The following VPS13B variants were observed in gnomAD, a reference collection of about 807,000 sequenced individuals.
The protein encoded by VPS13B is intermembrane lipid transfer protein VPS13B.
A neutral mutation model predicts 426.4 loss-of-function variants in VPS13B; 285 were observed. That is an observed-to-expected ratio of 0.67 (90% CI 0.61 to 0.74). The LOEUF (loss-of-function observed/expected upper bound fraction) is 0.74. Ranked by LOEUF, VPS13B falls within the 30% of genes least tolerant of loss-of-function variation. The pLI, the probability that VPS13B is intolerant of heterozygous loss-of-function variation, is 0.00. For synonymous variants in VPS13B, 1,676 were observed against 1,676.4 expected (o/e 1.00, Z 0.01); for missense variants, 4,537 against 4,782.6 (o/e 0.95, Z 1.51).
At chr8:99,405,047 A>G (rs1815249312) in intron 21 of VPS13B, among the ~76,000 whole-genome samples, 1 of 152,148 alleles carries the variant, frequency 6.6e-6, no homozygotes, top group Admixed American at 6.5e-5. Flanking sequence ...TTGGATCTTA[A>G]TCATCTACAA....
At chr8:99,147,422 T>C (rs1167925135) in intron 13 of VPS13B, among the ~76,000 whole-genome samples, 1 of 152,054 alleles carries the variant, frequency 6.6e-6, no homozygotes, top group Non-Finnish European at 1.5e-5. Context: ...TTTTTAGGAG[T>C]TTTTAAAATT....
At chr8:99,064,406 A>G (rs995284865) in intron 3 of VPS13B, among the ~76,000 whole-genome samples, 32 of 152,260 alleles carry the variant, frequency 2.1e-4, no homozygotes, top group Admixed American at 2.0e-3. Flanking sequence ...TATAGAGAAG[A>G]CCTTAAATGA....
At chr8:99,274,038 T>G (rs1818756323) in intron 17 of VPS13B, among the ~76,000 whole-genome samples, 160 bp from the exon 18 acceptor site, 1 of 152,196 alleles carries the variant, frequency 6.6e-6, no homozygotes, top group Non-Finnish European at 1.5e-5. Context: ...ATTTGCATCC[T>G]TTCACCTCTG....
intron 58 of VPS13B, among the ~76,000 whole-genome samples, chr8:99,865,426 C>A (rs1344564741): frequency 6.6e-6 from 1 of 152,214 alleles, no homozygotes; most frequent in African/African-American, 2.4e-5. Flanking sequence ...CCCCAGAGAC[C>A]ACCTCCTCTC....
At chr8:99,116,696 A>G (rs963168543) in intron 7 of VPS13B, among the ~76,000 whole-genome samples, 4 of 152,140 alleles carry the variant, frequency 2.6e-5, no homozygotes, top group African/African-American at 9.7e-5. Context: ...AGCATCACAA[A>G]GTGCTGGGAT....
rs1279523650 is a variant in VPS13B, at chr8:99,467,609, T to A, written c.3641T>A (p.Leu1214Gln). ...VVCLHVDLES[L>Q]EIKCSNPQVQ... ...TGTCTCCATGTTGACCTAGAGTCAC[T>A]AGAGATAAAATGCTCTAATCCCCAG... The change falls in exon 24 of 62, where the codon CTA (leucine) becomes CAA (glutamine). Residue 1214 changes from leucine (L) to glutamine (Q), a missense_variant. Leu to Gln is a moderately radical substitution (Grantham distance 113, BLOSUM62 -2). Transcript: ENST00000357162. The A allele has an allele frequency of 1.3e-5, 21 of 1,611,444 alleles. No individual in the cohort carries two copies. The highest frequency in any genetic ancestry group is 1.7e-5 in the Non-Finnish European group (20 of 1,179,768).
intron 17 of VPS13B, among the ~76,000 whole-genome samples, chr8:99,215,006 G>A (rs531870166): frequency 6.6e-6 from 1 of 152,056 alleles, no homozygotes; most frequent in South Asian, 2.1e-4. Context: ...ATCCTTTGGA[G>A]CCCACCTTAA....
rs117913509 is a variant in VPS13B at position 99,455,478 on chromosome 8, G to C, written c.3446-11936G>C. Among the ~76,000 whole-genome samples the C allele has an allele frequency of 2.2e-3, 327 of 152,044 alleles. 2 individuals are homozygous for C. Among genetic ancestry groups the C allele is most frequent in the Non-Finnish European group, 2.9e-3 (194 of 67,986 alleles). On this transcript the variant is annotated intron_variant, in intron 23 of 61. Transcript: ENST00000357162. ...GAGGAAGAGAGGGAGGGTTGGGGAG[G>C]TTTCACACACTTAAACAGCCAGCTC...
At chr8:99,541,360 G>T (rs947642008) in intron 30 of VPS13B, among the ~76,000 whole-genome samples, 3 of 151,774 alleles carry the variant, frequency 2.0e-5, no homozygotes, top group African/African-American at 7.3e-5. Context: ...TTAAGTTCTG[G>T]ATTACACGTG....
intron 3 of VPS13B, among the ~76,000 whole-genome samples, chr8:99,070,748 C>T (rs1167240904): frequency 2.0e-5 from 3 of 151,930 alleles, no homozygotes; most frequent in Non-Finnish European, 2.9e-5. Context: ...AGTATTATTT[C>T]GAGATCTTGT....
chr8:99,526,132 G>A (rs183984058), intron 30 of VPS13B, among the ~76,000 whole-genome samples: 101 of 152,002 alleles, frequency 6.6e-4, no homozygotes, highest in Middle Eastern at 3.4e-3. Context: ...TCACCAGCAG[G>A]GACTAGAGAT....
At chr8:99,070,125 G>A (rs937089102) in intron 3 of VPS13B, among the ~76,000 whole-genome samples, 5 of 152,044 alleles carry the variant, frequency 3.3e-5, no homozygotes, top group Non-Finnish European at 7.4e-5. Context: ...GGTTCCCTAG[G>A]CTTGTCTTGA....
chr8:99,802,369 G>A (rs902079083), intron 43 of VPS13B, among the ~76,000 whole-genome samples: 6 of 152,046 alleles, frequency 3.9e-5, no homozygotes, highest in African/African-American at 1.4e-4. Flanking sequence ...TTCATTAGGA[G>A]GTTGAACTTG....
chr8:99,825,220 C>T lies in VPS13B; in HGVS notation c.9330+1242C>T, dbSNP rs1053792554. 5.3e-5 allele frequency among the ~76,000 whole-genome samples: 8 copies of T among 152,350 alleles called. No individual in the cohort carries two copies. In the South Asian group the frequency reaches 1.5e-3, roughly 28 times the overall value. On this transcript the variant is annotated intron_variant, in intron 51 of 61. Coordinates refer to ENST00000357162, the MANE Select transcript of VPS13B (RefSeq NM_152564.5). ...GTGTAAAAGTGTTCCTATTTCTCCA[C>T]ATCCTCTCCAGCATCTGTTGTTTCC...
intron 33 of VPS13B, among the ~76,000 whole-genome samples, chr8:99,604,496 T>A (rs2667459): frequency 1.8e-5 from 2 of 112,932 alleles, no homozygotes; most frequent in African/African-American, 7.7e-5. Flanking sequence ...TTCCTTGGTG[T>A]TTTTTTTTTT....
chr8:99,862,035 T>G, intron 58 of VPS13B, 89 bp downstream of exon 58: 1 of 1,427,712 alleles, frequency 7.0e-7, no homozygotes, highest in East Asian at 2.5e-5. Flanking sequence ...GCCTTCTGCC[T>G]GGGAATGACC....
rs774869215 is a variant in VPS13B at position 99,431,464 on chromosome 8, A to T, written c.3083-73A>T. On this transcript the variant is annotated intron_variant, in intron 21 of 61. Coordinates refer to ENST00000357162, the MANE Select transcript of VPS13B (RefSeq NM_152564.5). Reference sequence around the variant, plus strand: ...TTAAGCAAGGAAAGAAACAATCTTGAAAATACGTTTGGTATGTTCTGTGAA... The same window carrying T: ...TTAAGCAAGGAAAGAAACAATCTTGTAAATACGTTTGGTATGTTCTGTGAA... 5.1e-6 allele frequency: 8 copies of T among 1,554,360 alleles called. No homozygotes were observed. The African/African-American group carries it at 8.2e-5, about 16-fold the overall frequency.
rs191915460 is a variant in VPS13B, at chr8:99,802,000, A to C, written c.7942-7375A>C. The stretch of plus-strand genomic sequence containing the variant: ...CACTATCTCTACAAAAGATACAAAA[A>C]TTAGTCGGGCATTATGGTGCATGCC... On this transcript the variant is annotated intron_variant, in intron 43 of 61. Transcript: ENST00000357162. Among the ~76,000 whole-genome samples, 35 of 152,204 alleles carry C rather than the reference A, an allele frequency of 2.3e-4. No homozygotes were observed. The East Asian group carries it at 6.8e-3, about 29-fold the overall frequency.
At chr8:99,516,636 A>C (rs1162283278) in intron 29 of VPS13B, among the ~76,000 whole-genome samples, 2 of 151,752 alleles carry the variant, frequency 1.3e-5, no homozygotes, top group Non-Finnish European at 2.9e-5. Flanking sequence ...AAAAATACAC[A>C]AATTTTCTGG....
Sources: allele counts gnomAD v4.1 joint callset (sites outside exome capture counted in the v4.1 genomes callset), GRCh38; gene constraint gnomAD v4.1.1; transcripts MANE v1.5; gene names NCBI Gene and HGNC (gene_info 2026-07-23, HGNC 2026-07-21).